CSF2RB: variants seen among roughly 807,000 people sequenced by gnomAD.
CSF2RB encodes the protein cytokine receptor common subunit beta.
Under a neutral mutation model 67.2 loss-of-function variants are expected in CSF2RB, and 22 were observed. The observed-to-expected ratio is 0.33, with a 90% confidence interval of 0.23 to 0.47. The LOEUF is 0.47. CSF2RB is among the 20% of genes least tolerant of loss of function. The pLI, the probability that CSF2RB is intolerant of heterozygous loss-of-function variation, is 1.00. For missense variants in CSF2RB, 1,113 were observed against 1,174.5 expected, an observed-to-expected ratio of 0.95 and a Z score of 0.76; for synonymous variants, 507 against 482.9, an observed-to-expected ratio of 1.05 and a Z score of -0.65.
chr22:36,936,485 C>T, intron 12 of CSF2RB, 64 bp from the exon 13 acceptor site: 1 of 1,368,838 alleles, frequency 7.3e-7, no homozygotes, highest in South Asian at 1.2e-5. Flanking sequence ...CCCCGTCACC[C>T]TCTGCCTTGC....
chr22:36,923,985 G>A (rs972489271), intron 3 of CSF2RB, among the ~76,000 whole-genome samples: 8 of 152,078 alleles, frequency 5.3e-5, no homozygotes, highest in African/African-American at 9.7e-5. Context: ...GACCAGAATC[G>A]CTCTGGGGTG....
intron 6 of CSF2RB, 25 bp from the exon 7 acceptor site, chr22:36,930,350 A>G (rs769046776): frequency 6.2e-7 from 1 of 1,613,210 alleles, no homozygotes; most frequent in Non-Finnish European, 8.5e-7. Context: ...ATGACGGAGT[A>G]CATGAGGACC....
Position 36,926,185 on chromosome 22 carries a change from G to T in CSF2RB, c.391+8G>T, listed in dbSNP as rs1941012919. 6.2e-7 allele frequency: 1 copy of T among 1,613,582 alleles called. No individual in the cohort carries two copies. The highest frequency in any genetic ancestry group is 8.5e-7 in the Non-Finnish European group (1 of 1,179,968). ...TCACTCTGACCCAGCATGGTGAGGG[G>T]CTGGGGGCCCTGCCCGGGGCTTGGT... On this transcript the variant is annotated splice_region_variant and intron_variant, in intron 4 of 13. Coordinates refer to ENST00000403662, the MANE Select transcript of CSF2RB (RefSeq NM_000395.3).
Position 36,929,526 on chromosome 22 carries a change from G to A in CSF2RB, c.516G>A (p.Glu172=). ...HWLSPGDLEF[E]VVYKRLQDSW... ...TGTCCCCAGGGGATCTGGAGTTTGA[G>A]GTGGTCTACAAGCGGCTTCAGGACT... The change falls in exon 5 of 14, where the codon GAG becomes GAA. Residue 172 remains glutamate (E), a synonymous_variant. Transcript: ENST00000403662. 5 of 1,614,180 alleles carry A rather than the reference G, an allele frequency of 3.1e-6. No individual in the cohort carries two copies. Among genetic ancestry groups the A allele is most frequent in the Non-Finnish European group, 4.2e-6 (5 of 1,180,026 alleles).
At position 36,930,609 on chromosome 22, in the gene CSF2RB, C is replaced by G. The variant is rs547780142; in HGVS notation, c.855-64C>G. 7.9e-4 allele frequency: 1,271 copies of G among 1,611,292 alleles called. 3 individuals are homozygous for G. The highest frequency in any genetic ancestry group is 1.0e-3 in the Non-Finnish European group (1,220 of 1,179,902). On this transcript the variant is annotated intron_variant, in intron 7 of 13. Coordinates refer to ENST00000403662, the MANE Select transcript of CSF2RB (RefSeq NM_000395.3). The stretch of plus-strand genomic sequence containing the variant: ...GCCCCAGCAGAAGCCACAGCCCACC[C>G]TAAGCTCTCCTCCCTCCCGTGTGCC...
chr22:36,935,303 TTTCCCGCCCAGA>T (rs1941242777), intron 10 of CSF2RB, 36 bp from the exon 11 acceptor site: 2 of 1,590,770 alleles, frequency 1.3e-6, no homozygotes, highest in Non-Finnish European at 1.7e-6. Flanking sequence ...CTGAGGTCGA[TTTCCCGCCCAGA>T]TGCTGACATT....
At chr22:36,931,377 A>G (rs1465869095) in intron 8 of CSF2RB, among the ~76,000 whole-genome samples, 1 of 152,198 alleles carries the variant, frequency 6.6e-6, no homozygotes, top group Non-Finnish European at 1.5e-5. Flanking sequence ...TCTTTAGCAT[A>G]TGTGAAGGGC....
rs764135480 is a variant in CSF2RB, at chr22:36,938,415, C to T, written c.2607C>T (p.Pro869=). ...KPPGQAVPQV[P]VIQLFKALKQ... is the part of the protein sequence containing the mutation. ...CAGGCCAGGCTGTGCCCCAGGTGCC[C>T]GTCATTCAGCTCTTCAAAGCCCTGA... Residue 869 remains proline, a synonymous_variant, in exon 14 of 14, where the codon CCC becomes CCT. Transcript: ENST00000403662. 3.8e-5 allele frequency: 62 copies of T among 1,614,068 alleles called. No individual in the cohort carries two copies. The highest frequency in any genetic ancestry group is 1.6e-4 in the Middle Eastern group (1 of 6,084).
chr22:36,917,485 T>C (rs1264195930), intron 1 of CSF2RB, among the ~76,000 whole-genome samples: 1 of 152,110 alleles, frequency 6.6e-6, no homozygotes, highest in Non-Finnish European at 1.5e-5. Context: ...AGTAAGAAGG[T>C]GTTTGGTTTT....
rs774859246 is a variant in CSF2RB at position 36,937,917 on chromosome 22, G to A, written c.2109G>A (p.Glu703=). 3 of 1,614,162 alleles carry A rather than the reference G, an allele frequency of 1.9e-6. No individual in the cohort carries two copies. Among genetic ancestry groups the A allele is most frequent in the Non-Finnish European group, 8.5e-7 (1 of 1,180,014 alleles). The change falls in exon 14 of 14, where the codon GAG becomes GAA. Residue 703 remains glutamate, a synonymous_variant. Transcript: ENST00000403662. The surrounding 1 kb of genome is among the most constrained non-coding windows in gnomAD (Gnocchi z 4.6). ...VAIPMSSGDT[E]DPGVASGYVS... ...TACCCATGAGCTCTGGGGACACTGA[G>A]GACCCTGGAGTGGCCTCTGGTTATG...
intron 4 of CSF2RB, among the ~76,000 whole-genome samples, chr22:36,926,487 C>T (rs779160097): frequency 3.9e-5 from 6 of 152,336 alleles, no homozygotes; most frequent in African/African-American, 7.2e-5. Context: ...AAACTCTGTC[C>T]GCTTAGTTGT....
chr22:36,926,292 G>T lies in CSF2RB; in HGVS notation c.391+115G>T, dbSNP rs907687376. On this transcript the variant is annotated intron_variant, in intron 4 of 13. Coordinates refer to ENST00000403662, the MANE Select transcript of CSF2RB (RefSeq NM_000395.3). ...GGCTGTGGCTTGGGGTTGGGTGAGG[G>T]TTTCTTGAGGGATGAGGGTATGGTC... The T allele has an allele frequency of 9.7e-6, 10 of 1,027,298 alleles. No individual in the cohort carries two copies. In the East Asian group the frequency reaches 2.2e-4, roughly 23 times the overall value. 63.6% of individuals were successfully genotyped at this position (1,027,298 alleles called of 1,614,324 possible).
chr22:36,937,298 C>G lies in CSF2RB; in HGVS notation c.1569-79C>G, dbSNP rs113273519. 63 of 1,554,304 alleles carry G rather than the reference C, an allele frequency of 4.1e-5. 1 individual carries two copies. In the African/African-American group the frequency reaches 5.4e-4, roughly 13 times the overall value. On this transcript the variant is annotated intron_variant, in intron 13 of 13. Transcript: ENST00000403662. This position sits in a 1 kb window ranked among gnomAD's most constrained non-coding sequence, Gnocchi z 4.6. ...CAGGGCTTCCAGAGAACCATCTCCA[C>G]CCCACCAAGACCCTTGTGCCTGACC...
At chr22:36,916,383 A>G (rs1393241282) in intron 1 of CSF2RB, among the ~76,000 whole-genome samples, 2 of 152,210 alleles carry the variant, frequency 1.3e-5, no homozygotes, top group East Asian at 3.8e-4. Flanking sequence ...ATTGCTAATT[A>G]TGAGTGTGTG....
intron 1 of CSF2RB, among the ~76,000 whole-genome samples, chr22:36,919,299 G>T (rs1366671955): frequency 2.0e-5 from 3 of 152,082 alleles, no homozygotes; most frequent in African/African-American, 7.2e-5. Context: ...CAAACCTAAA[G>T]TTTTCTCTAA....
intron 4 of CSF2RB, among the ~76,000 whole-genome samples, chr22:36,928,298 G>A (rs761886125): frequency 6.6e-6 from 1 of 152,104 alleles, no homozygotes; most frequent in East Asian, 1.9e-4. Context: ...TTCTGATGGG[G>A]CTCCCAGTCT....
intron 1 of CSF2RB, among the ~76,000 whole-genome samples, chr22:36,915,682 G>T (rs866345211): frequency 2.0e-5 from 3 of 152,116 alleles, no homozygotes; most frequent in Non-Finnish European, 4.4e-5. Context: ...GAGGTTGTGC[G>T]TTAGAAATTA....
At chr22:36,926,208 G>C (rs1344646104) in intron 4 of CSF2RB, 31 bp downstream of exon 4, 1 of 1,610,746 alleles carries the variant, frequency 6.2e-7, no homozygotes, top group Non-Finnish European at 8.5e-7. Flanking sequence ...CCCGGGGCTT[G>C]GTTTCCTGTG....
At chr22:36,916,928 T>C (rs915038999) in intron 1 of CSF2RB, among the ~76,000 whole-genome samples, 1 of 152,180 alleles carries the variant, frequency 6.6e-6, no homozygotes, top group African/African-American at 2.4e-5. Flanking sequence ...GTTGATTGCA[T>C]TGAATTTAGA....
Sources: gnomAD v4.1 joint callset for allele counts (sites outside exome capture counted in the v4.1 genomes callset) on GRCh38, gnomAD v4.1.1 for gene constraint, Gnocchi (gnomAD v3.1) non-coding constraint, MANE v1.5 for transcripts, NCBI Gene and HGNC (gene_info 2026-07-23, HGNC 2026-07-21) for gene names.